The following LRP2 variants were observed in gnomAD, a reference collection of about 807,000 sequenced individuals.
LRP2 encodes low-density lipoprotein receptor-related protein 2.
A neutral mutation model predicts 531.0 loss-of-function variants in LRP2; 172 were observed. The ratio of observed to expected loss-of-function variants is 0.32; its 90% CI spans 0.29 to 0.37. LRP2 has a LOEUF of 0.37. Among genes scored for constraint, LRP2 ranks in the 10% least tolerant of loss-of-function variants. LRP2 has a pLI of 1.00. For missense variants in LRP2, 5,167 were observed against 5,868.3 expected (o/e 0.88, Z 3.90); for synonymous variants, 1,992 against 2,027.6 (o/e 0.98, Z 0.47).
chr2:169,344,953 ACT>A (rs1402859211), intron 1 of LRP2, among the ~76,000 whole-genome samples: 1 of 152,142 alleles, frequency 6.6e-6, no homozygotes, highest in East Asian at 1.9e-4. Context: ...AGAAGGAAAC[ACT>A]CTAATTTGTC....
chr2:169,312,151 T>A (rs920318096), intron 3 of LRP2, among the ~76,000 whole-genome samples: 47 of 152,270 alleles, frequency 3.1e-4, no homozygotes, highest in Admixed American at 8.5e-4. Flanking sequence ...CTTGACTCTT[T>A]ATCCAATTTG....
At chr2:169,164,270 C>T (rs1319121504) in intron 62 of LRP2, among the ~76,000 whole-genome samples, 3 of 152,188 alleles carry the variant, frequency 2.0e-5, no homozygotes, top group African/African-American at 4.8e-5. Context: ...TTATGGGTCT[C>T]CCAACCAAGA....
chr2:169,274,619 C>T (rs1460609359), intron 14 of LRP2, among the ~76,000 whole-genome samples: 3 of 152,064 alleles, frequency 2.0e-5, no homozygotes, highest in Non-Finnish European at 4.4e-5. Context: ...GGCTCTGATG[C>T]TACCGAAAAT....
intron 21 of LRP2, 23 bp from the exon 22 acceptor site, chr2:169,244,955 A>G (rs982189368): frequency 6.2e-7 from 1 of 1,614,054 alleles, no homozygotes; most frequent in Non-Finnish European, 8.5e-7. Context: ...CAAACTGGTC[A>G]TGAAGACATT....
In LRP2 at chr2:169,206,843, C is replaced by T. The variant is rs1478130877; in HGVS notation, c.6877G>A (p.Val2293Ile). ...AAGATCTTTTTCAAATTCCTATCTACCCATATGATAGAATTTTCAAAAACA... is the reference window on the plus strand; with the variant it reads ...AAGATCTTTTTCAAATTCCTATCTATCCATATGATAGAATTTTCAAAAACA... Reference protein sequence around the residue: ...ITVFENSIIWVDRNLKKIFQA... With the variant: ...ITVFENSIIWIDRNLKKIFQA... Residue 2293 changes from valine (V) to isoleucine (I), a missense_variant, in exon 39 of 79, where the codon GTA (valine) becomes ATA (isoleucine). This residue lies in a region of LRP2 where 2,811 missense variants were observed against 3,058.0 expected (regional missense o/e 0.92). Coordinates refer to ENST00000649046, the MANE Select transcript of LRP2 (RefSeq NM_004525.3). The T allele has an allele frequency of 4.3e-6, 7 of 1,614,132 alleles. No homozygotes were observed. The highest frequency in any genetic ancestry group is 1.3e-5 in the African/African-American group (1 of 75,030).
At chr2:169,255,618 A>T (rs1320219938) in intron 19 of LRP2, among the ~76,000 whole-genome samples, 2 of 152,334 alleles carry the variant, frequency 1.3e-5, no homozygotes, top group East Asian at 3.9e-4. Context: ...TTTGAATAAA[A>T]AAGTTTCAAA....
At chr2:169,300,233 A>G (rs1684254370) in intron 4 of LRP2, among the ~76,000 whole-genome samples, 1 of 152,058 alleles carries the variant, frequency 6.6e-6, no homozygotes, top group South Asian at 2.1e-4. Context: ...AATTACAGCT[A>G]TTAAAGTAAA....
At chr2:169,356,940 T>C (rs756447607) in intron 1 of LRP2, among the ~76,000 whole-genome samples, 13 of 152,332 alleles carry the variant, frequency 8.5e-5, no homozygotes, top group Non-Finnish European at 1.6e-4. Flanking sequence ...AGTTCTCATC[T>C]TCCTTAATGT....
At chr2:169,214,517 A>G (rs1353838473) in intron 35 of LRP2, among the ~76,000 whole-genome samples, 2 of 152,148 alleles carry the variant, frequency 1.3e-5, no homozygotes, top group African/African-American at 4.8e-5. Context: ...GCTCTGTGCC[A>G]GGATCTGGGC....
chr2:169,170,984 C>T (rs1686983588), intron 58 of LRP2, among the ~76,000 whole-genome samples: 1 of 119,678 alleles, frequency 8.4e-6, no homozygotes, highest in Non-Finnish European at 1.6e-5. Flanking sequence ...TGACTTTGAA[C>T]TCCTGGTCTA....
chr2:169,138,636 T>G lies in LRP2; in HGVS notation c.13459A>C (p.Met4487Leu), dbSNP rs541246483. ...CCAAAACCAGACACTCCAATATCCA[T>G]GTTAAGATCTGCCCCTGATCTGAAG... ...VTFRSGADLN[M>L]DIGVSGFGPE... Residue 4487 changes from methionine (M) to leucine (L), a missense_variant, in exon 75 of 79, where the codon ATG becomes CTG. Around this residue, in one of 6 missense-constraint regions of LRP2, gnomAD observed 348 missense variants for 369.3 expected, o/e 0.94. Coordinates refer to ENST00000649046, the MANE Select transcript of LRP2 (RefSeq NM_004525.3). 6.2e-7 allele frequency: 1 copy of G among 1,614,024 alleles called. No individual in the cohort carries two copies. The highest frequency in any genetic ancestry group is 1.3e-5 in the African/African-American group (1 of 75,048).
chr2:169,239,801 A>G, intron 25 of LRP2, 26 bp from the exon 26 acceptor site: 1 of 1,596,222 alleles, frequency 6.3e-7, no homozygotes, highest in Non-Finnish European at 8.6e-7. Context: ...AGAATAATGA[A>G]AAAAGAAAAT....
At chr2:169,357,145 A>T (rs1031590095) in intron 1 of LRP2, among the ~76,000 whole-genome samples, 1 of 152,074 alleles carries the variant, frequency 6.6e-6, no homozygotes, top group African/African-American at 2.4e-5. Flanking sequence ...TATTTTTTCC[A>T]TGCTAGAATA....
At chr2:169,283,346 A>G (rs945554865) in intron 9 of LRP2, among the ~76,000 whole-genome samples, 3 of 152,212 alleles carry the variant, frequency 2.0e-5, no homozygotes, top group African/African-American at 4.8e-5. Flanking sequence ...ATGCTTTCCA[A>G]CATGGCAGCC....
At chr2:169,143,289 T>C (rs1427896528) in intron 70 of LRP2, among the ~76,000 whole-genome samples, 1 of 152,178 alleles carries the variant, frequency 6.6e-6, no homozygotes, top group East Asian at 1.9e-4. Context: ...GTTACCTTAA[T>C]TGCAAGAAAA....
chr2:169,302,797 A>G (rs958586386), intron 4 of LRP2, among the ~76,000 whole-genome samples: 3 of 151,810 alleles, frequency 2.0e-5, no homozygotes, highest in Non-Finnish European at 4.4e-5. Flanking sequence ...ATAGAAGGAA[A>G]CCCCATAAAT....
chr2:169,255,535 T>G, intron 19 of LRP2, among the ~76,000 whole-genome samples: 1 of 152,044 alleles, frequency 6.6e-6, no homozygotes, highest in East Asian at 1.9e-4. Context: ...GAAAAAAAAT[T>G]ATGTCTTGCT....
rs755795719 is a variant in LRP2 at position 169,146,979 on chromosome 2, C to T, written c.12591-20G>A. The T allele has an allele frequency of 1.9e-6, 3 of 1,565,340 alleles. No homozygotes were observed. The Admixed American group carries it at 5.3e-5, about 28-fold the overall frequency. On this transcript the variant is annotated intron_variant, in intron 68 of 78. Coordinates refer to ENST00000649046, the MANE Select transcript of LRP2 (RefSeq NM_004525.3). ...ATAAGCCTATAACAGAAGATTTCTT[C>T]ACTGTAGCATCTCACCTGGTAAGAC...
At chr2:169,346,684 T>A (rs189076678) in intron 1 of LRP2, among the ~76,000 whole-genome samples, 70 of 152,190 alleles carry the variant, frequency 4.6e-4, no homozygotes, top group African/African-American at 1.2e-3. Context: ...TAAATTTTTT[T>A]AAAAATAGAA....
Sources: gnomAD v4.1 joint callset for allele counts (sites outside exome capture counted in the v4.1 genomes callset) on GRCh38, gnomAD v4.1.1 for gene constraint, gnomAD v4.1.1 regional missense constraint, MANE v1.5 for transcripts, NCBI Gene and HGNC (gene_info 2026-07-23, HGNC 2026-07-21) for gene names.